The following PPARGC1A variants were observed in gnomAD, a reference collection of about 807,000 sequenced individuals.
PPARGC1A encodes PPARG coactivator 1 alpha.
Under a neutral mutation model 88.7 loss-of-function variants are expected in PPARGC1A, and 25 were observed. That is an observed-to-expected ratio of 0.28 (90% CI 0.21 to 0.39). The LOEUF is 0.39. Among genes scored for constraint, PPARGC1A ranks in the 10% least tolerant of loss-of-function variants. PPARGC1A has a pLI of 1.00. For synonymous variants in PPARGC1A, 363 were observed against 355.6 expected (o/e 1.02, Z -0.24); for missense variants, 880 against 968.7 (o/e 0.91, Z 1.22).
chr4:24,370,154 A>G, the PPARGC1A span, among the ~76,000 whole-genome samples: 7 of 152,192 alleles, frequency 4.6e-5, no homozygotes, highest in Admixed American at 2.0e-4. Flanking sequence ...ATTTTTTTTC[A>G]ATATTCTTCT....
At chr4:24,339,237 T>TACACACAC in the PPARGC1A span, among the ~76,000 whole-genome samples, 18 of 104,302 alleles carry the variant, frequency 1.7e-4, no homozygotes, top group African/African-American at 5.6e-4. Context: ...TATATATATA[T>TACACACAC]ACACACACAC....
At chr4:24,440,635 C>T in the PPARGC1A span, among the ~76,000 whole-genome samples, 1 of 152,000 alleles carries the variant, frequency 6.6e-6, no homozygotes, top group Non-Finnish European at 1.5e-5. Flanking sequence ...AACCCTGTCT[C>T]CAATAAAAAT....
At chr4:24,466,187 T>C in the PPARGC1A span, among the ~76,000 whole-genome samples, 2 of 152,180 alleles carry the variant, frequency 1.3e-5, no homozygotes, top group African/African-American at 4.8e-5. Context: ...GTAGTTATGG[T>C]TGATTCCACC....
At position 23,846,234 on chromosome 4, in the gene PPARGC1A, A is replaced by G. The variant is rs559612907; in HGVS notation, c.235-14483T>C. 2.6e-5 allele frequency among the ~76,000 whole-genome samples: 4 copies of G among 152,322 alleles called. No homozygotes were observed. The South Asian group carries it at 8.3e-4, about 32-fold the overall frequency. Reference sequence around the variant, plus strand: ...GCTCCTATAACGATAGGATGTAGTAACATGGAAACACTGAATAGTAAAAGC... The same window carrying G: ...GCTCCTATAACGATAGGATGTAGTAGCATGGAAACACTGAATAGTAAAAGC... On this transcript the variant is annotated intron_variant, in intron 2 of 12. Transcript: ENST00000264867.
the PPARGC1A span, among the ~76,000 whole-genome samples, chr4:23,993,783 A>G: frequency 6.6e-6 from 1 of 152,182 alleles, no homozygotes; most frequent in Admixed American, 6.6e-5. Context: ...TTGGAAAGTC[A>G]GCAGGAATTT....
the PPARGC1A span, among the ~76,000 whole-genome samples, chr4:23,988,792 G>C: frequency 6.7e-6 from 1 of 149,248 alleles, no homozygotes; most frequent in Non-Finnish European, 1.5e-5. Context: ...ACACTTAGAG[G>C]TCAAGGAAAT....
the PPARGC1A span, among the ~76,000 whole-genome samples, chr4:24,421,050 A>T: frequency 6.6e-6 from 1 of 151,958 alleles, no homozygotes; most frequent in South Asian, 2.1e-4. Flanking sequence ...CCTCCCAATG[A>T]CCCCATCCTC....
the PPARGC1A span, among the ~76,000 whole-genome samples, chr4:24,420,150 A>T: frequency 6.6e-6 from 1 of 152,224 alleles, no homozygotes; most frequent in Non-Finnish European, 1.5e-5. Context: ...TACAGATGAC[A>T]GCTTAAATAA....
the PPARGC1A span, among the ~76,000 whole-genome samples, chr4:24,296,838 C>G: frequency 6.6e-6 from 1 of 152,188 alleles, no homozygotes; most frequent in Non-Finnish European, 1.5e-5. Flanking sequence ...GGTCACACAG[C>G]TGGTAAATAG....
the PPARGC1A span, among the ~76,000 whole-genome samples, chr4:24,067,919 GTTAC>G: frequency 2.0e-5 from 3 of 152,196 alleles, no homozygotes; most frequent in Non-Finnish European, 4.4e-5. Context: ...TGAATCACCT[GTTAC>G]TTACTTGGTG....
intron 7 of PPARGC1A, among the ~76,000 whole-genome samples, chr4:23,819,654 G>C (rs1722626600): frequency 6.6e-6 from 1 of 151,916 alleles, no homozygotes; most frequent in African/African-American, 2.4e-5. Flanking sequence ...AGAAAAATTA[G>C]GAATAAAGGA....
At chr4:23,997,717 C>A in the PPARGC1A span, among the ~76,000 whole-genome samples, 2 of 151,890 alleles carry the variant, frequency 1.3e-5, no homozygotes, top group African/African-American at 4.8e-5. Context: ...GTCTTGAACT[C>A]CGAAGCTCAG....
chr4:24,145,391 T>C, the PPARGC1A span, among the ~76,000 whole-genome samples: 3 of 152,358 alleles, frequency 2.0e-5, no homozygotes, highest in South Asian at 6.2e-4. Flanking sequence ...TAATAGTTGA[T>C]AACGCCATTT....
chr4:24,282,476 T>C, the PPARGC1A span, among the ~76,000 whole-genome samples: 1 of 152,184 alleles, frequency 6.6e-6, no homozygotes, highest in Admixed American at 6.5e-5. Context: ...AGGTGACGAG[T>C]GAAAAATGGG....
chr4:24,163,847 A>C, the PPARGC1A span, among the ~76,000 whole-genome samples: 2 of 152,222 alleles, frequency 1.3e-5, no homozygotes, highest in African/African-American at 4.8e-5. Context: ...GTTTAAGACG[A>C]ACAGCCCATA....
chr4:23,891,718 A>G (rs1316300359), upstream of PPARGC1A, among the ~76,000 whole-genome samples: 1 of 152,212 alleles, frequency 6.6e-6, no homozygotes, highest in African/African-American at 2.4e-5. Context: ...TTTGCTGAAT[A>G]CAGTTCACCA....
chr4:24,143,569 C>CA, the PPARGC1A span, among the ~76,000 whole-genome samples: 1 of 151,888 alleles, frequency 6.6e-6, no homozygotes, highest in African/African-American at 2.4e-5. Context: ...GCTTTTGTAA[C>CA]AAAAAATAGC....
At chr4:24,029,079 T>C in the PPARGC1A span, among the ~76,000 whole-genome samples, 2 of 152,180 alleles carry the variant, frequency 1.3e-5, no homozygotes. Flanking sequence ...TTTATATAAT[T>C]ATTTGCTATG....
At chr4:23,868,961 T>G (rs59161679) in intron 2 of PPARGC1A, among the ~76,000 whole-genome samples, 11,414 of 152,264 alleles carry the variant, frequency 0.075, 734 homozygotes, top group African/African-American at 0.17. Context: ...CTTCTGCACT[T>G]AATTTGCATG....
Sources: allele counts gnomAD v4.1 joint callset (sites outside exome capture counted in the v4.1 genomes callset), GRCh38; gene constraint gnomAD v4.1.1; transcripts MANE v1.5; gene names NCBI Gene and HGNC (gene_info 2026-07-23, HGNC 2026-07-21).